EXOC4: variants seen among roughly 807,000 people sequenced by gnomAD.
The protein encoded by EXOC4 is exocyst complex component 4, also known as SEC8-like 1.
EXOC4 carries 71 observed loss-of-function variants against 107.2 expected under a neutral mutation model. The ratio of observed to expected loss-of-function variants is 0.66; its 90% confidence interval spans 0.55 to 0.81. The LOEUF is 0.81. EXOC4 is among the 30% of genes least tolerant of loss of function. The probability of loss-of-function intolerance (pLI) is 0.00; values close to 1 mark genes in which losing one functional copy is unlikely to be tolerated. For missense variants in EXOC4, 1,108 were observed against 1,189.6 expected, an observed-to-expected ratio of 0.93 and a Z score of 1.01; for synonymous variants, 456 against 441.2, an observed-to-expected ratio of 1.03 and a Z score of -0.42.
the EXOC4 span, among the ~76,000 whole-genome samples, chr7:134,099,169 A>G: frequency 6.6e-6 from 1 of 152,190 alleles, no homozygotes; most frequent in South Asian, 2.1e-4. Flanking sequence ...TACTGGAGTA[A>G]GGTGAGCCTC....
intron 13 of EXOC4, among the ~76,000 whole-genome samples, chr7:133,918,210 G>C (rs1225576587): frequency 6.6e-6 from 1 of 152,052 alleles, no homozygotes; most frequent in Non-Finnish European, 1.5e-5. Context: ...TCGATATCCT[G>C]ACCTAATGAT....
chr7:134,051,356 G>A (rs1795782366), intron 17 of EXOC4, among the ~76,000 whole-genome samples: 1 of 152,212 alleles, frequency 6.6e-6, no homozygotes, highest in South Asian at 2.1e-4. Flanking sequence ...CTCAGAGGGA[G>A]CTGGGAGAAG....
intron 17 of EXOC4, among the ~76,000 whole-genome samples, chr7:134,050,247 A>G (rs1195808862): frequency 6.6e-6 from 1 of 152,216 alleles, no homozygotes; most frequent in Non-Finnish European, 1.5e-5. Context: ...ATTTTGTACC[A>G]TTATCTTTTT....
chr7:133,671,438 G>T (rs142146454), intron 10 of EXOC4, among the ~76,000 whole-genome samples: 186 of 152,198 alleles, frequency 1.2e-3, no homozygotes, highest in African/African-American at 4.2e-3. Context: ...GTGTTGGTGG[G>T]TGCCTGTAAT....
chr7:133,872,636 A>G (rs1798773800), intron 11 of EXOC4, among the ~76,000 whole-genome samples: 1 of 152,232 alleles, frequency 6.6e-6, no homozygotes, highest in Admixed American at 6.5e-5. Context: ...ATGAGAAACC[A>G]TTAAAATGAT....
Position 133,830,215 on chromosome 7 carries a change from G to A in EXOC4, c.1734+12671G>A, listed in dbSNP as rs150850982. ...TTCCTTTTTTTTCCACAAACATTTCGGAATTTGTTGTCCCCTTGGTCATTT... is the reference window on the plus strand; with the variant it reads ...TTCCTTTTTTTTCCACAAACATTTCAGAATTTGTTGTCCCCTTGGTCATTT... On this transcript the variant is annotated intron_variant, in intron 11 of 17. Coordinates refer to ENST00000253861, the MANE Select transcript of EXOC4 (RefSeq NM_021807.4). 2.0e-3 allele frequency among the ~76,000 whole-genome samples: 297 copies of A among 152,224 alleles called. 2 individuals are homozygous for A. The highest frequency in any genetic ancestry group is 6.7e-3 in the African/African-American group (279 of 41,532).
intron 10 of EXOC4, among the ~76,000 whole-genome samples, chr7:133,759,230 G>A (rs1795984635): frequency 6.7e-6 from 1 of 149,202 alleles, no homozygotes; most frequent in South Asian, 2.1e-4. Flanking sequence ...CAGTCCTCCT[G>A]CTTTTATCTC....
chr7:133,455,112 A>T (rs1419935460), intron 7 of EXOC4, among the ~76,000 whole-genome samples: 1 of 152,046 alleles, frequency 6.6e-6, no homozygotes, highest in Non-Finnish European at 1.5e-5. Flanking sequence ...ATAAATAAAA[A>T]GTTTAAGTTA....
intron 8 of EXOC4, among the ~76,000 whole-genome samples, 185 bp downstream of exon 8, chr7:133,475,658 C>G (rs931044021): frequency 6.6e-6 from 1 of 152,068 alleles, no homozygotes; most frequent in Non-Finnish European, 1.5e-5. Context: ...GTTTTGGGTA[C>G]AGTTACTGGA....
At chr7:133,269,925 CAA>C (rs1379290488) in intron 1 of EXOC4, among the ~76,000 whole-genome samples, 1 of 152,126 alleles carries the variant, frequency 6.6e-6, no homozygotes, top group Non-Finnish European at 1.5e-5. Context: ...TTTATCTCTA[CAA>C]AGAGGGATAA....
At chr7:133,708,173 C>T (rs1794809757) in intron 10 of EXOC4, among the ~76,000 whole-genome samples, 1 of 152,022 alleles carries the variant, frequency 6.6e-6, no homozygotes, top group African/African-American at 2.4e-5. Flanking sequence ...GAGAAAAAGA[C>T]ACAAAAAGGA....
Position 133,435,002 on chromosome 7 carries a change from A to G in EXOC4, c.1183-40326A>G, listed in dbSNP as rs1334163413. Among the ~76,000 whole-genome samples, 6 of 152,158 alleles carry G rather than the reference A, an allele frequency of 3.9e-5. No individual in the cohort carries two copies. In the South Asian group the frequency reaches 1.2e-3, roughly 32 times the overall value. On this transcript the variant is annotated intron_variant, in intron 7 of 17. Transcript: ENST00000253861. ...TTTTCAGTGTGGCTTAATTTTCCAG[A>G]AAATAGTCTCTCCCCTTTTAGCATT...
rs139031553 is a variant in EXOC4 at position 133,356,419 on chromosome 7, G to T, written c.853G>T (p.Gly285Cys). 1.0e-4 allele frequency: 161 copies of T among 1,613,942 alleles called. 1 individual carries two copies. Among genetic ancestry groups the T allele is most frequent in the Non-Finnish European group, 1.3e-4 (149 of 1,180,018 alleles). The change falls in exon 6 of 18, where the codon GGC (glycine) becomes TGC (cysteine). Residue 285 changes from glycine to cysteine, a missense_variant. By Grantham distance (159) the Gly-to-Cys change is radical. Coordinates refer to ENST00000253861, the MANE Select transcript of EXOC4 (RefSeq NM_021807.4). ...CCTGTTTATGGGTATCCTCATTAAG[G>T]GCTTGGCGAAACTGAAGAAGATCCC... is the stretch of plus-strand genomic sequence containing the variant. ...STLFMGILIK[G>C]LAKLKKIPET...
At chr7:133,303,587 A>G (rs1432388626) in intron 3 of EXOC4, among the ~76,000 whole-genome samples, 2 of 152,246 alleles carry the variant, frequency 1.3e-5, no homozygotes, top group Non-Finnish European at 2.9e-5. Context: ...TTCCATAATT[A>G]TAGCTTTATA....
At chr7:133,445,207 A>G (rs1048595946) in intron 7 of EXOC4, among the ~76,000 whole-genome samples, 3 of 152,184 alleles carry the variant, frequency 2.0e-5, no homozygotes, top group African/African-American at 7.2e-5. Flanking sequence ...TCAAGTGTAC[A>G]TATGCAGTCA....
At chr7:133,635,205 A>C (rs1310216441) in intron 10 of EXOC4, among the ~76,000 whole-genome samples, 1 of 152,200 alleles carries the variant, frequency 6.6e-6, no homozygotes, top group African/African-American at 2.4e-5. Flanking sequence ...TTTGGCAATG[A>C]AGTACATTTT....
At chr7:133,650,936 A>AGTTTTTT (rs1803129918) in intron 10 of EXOC4, among the ~76,000 whole-genome samples, 1 of 32,142 alleles carries the variant, frequency 3.1e-5, no homozygotes, top group African/African-American at 1.1e-4. Flanking sequence ...GAGATTGGTC[A>AGTTTTTT]GTTTTTTTTT....
intron 5 of EXOC4, among the ~76,000 whole-genome samples, chr7:133,345,614 A>G (rs1267855907): frequency 6.6e-6 from 1 of 152,110 alleles, no homozygotes. Context: ...AAATGATTCA[A>G]CAGATGTCAA....
At chr7:133,979,703 G>T (rs1793931478) in intron 14 of EXOC4, among the ~76,000 whole-genome samples, 1 of 151,972 alleles carries the variant, frequency 6.6e-6, no homozygotes, top group Admixed American at 6.6e-5. Flanking sequence ...CAGGAGAATG[G>T]CGTGAACCTG....
Sources: gnomAD v4.1 joint callset for allele counts (sites outside exome capture counted in the v4.1 genomes callset) on GRCh38, gnomAD v4.1.1 for gene constraint, MANE v1.5 for transcripts, NCBI Gene and HGNC (gene_info 2026-07-23, HGNC 2026-07-21) for gene names.